Variants in PAMR1 observed in about 807,000 individuals in gnomAD.
The protein encoded by PAMR1 is peptidase domain containing associated with muscle regeneration 1.
Under a neutral mutation model 81.8 loss-of-function variants are expected in PAMR1, and 88 were observed. The observed-to-expected ratio is 1.08, with a 90% CI of 0.91 to 1.28. PAMR1 has a LOEUF of 1.28. PAMR1 is among the 50% of genes most tolerant of loss of function. PAMR1 has a pLI of 0.00. For synonymous variants in PAMR1, 336 were observed against 345.3 expected (o/e 0.97, Z 0.30); for missense variants, 935 against 919.7 (o/e 1.02, Z -0.21).
chr11:35,445,651 T>C (rs1467929065), intron 6 of PAMR1, among the ~76,000 whole-genome samples: 1 of 152,236 alleles, frequency 6.6e-6, no homozygotes, highest in Non-Finnish European at 1.5e-5. Context: ...TTTGCAGATG[T>C]TGAACCAGCC....
chr11:35,447,936 G>C (rs1017815473), intron 6 of PAMR1, among the ~76,000 whole-genome samples: 1 of 152,168 alleles, frequency 6.6e-6, no homozygotes, highest in East Asian at 1.9e-4. Context: ...TTCTGGGTTG[G>C]AAATTCTTTT....
chr11:35,502,664 T>C (rs1565355823), intron 1 of PAMR1, among the ~76,000 whole-genome samples: 1 of 152,214 alleles, frequency 6.6e-6, no homozygotes, highest in South Asian at 2.1e-4. Context: ...CTCTCATTGA[T>C]GGTTTTGCCC....
At chr11:35,439,894 C>T (rs947323200) in intron 7 of PAMR1, among the ~76,000 whole-genome samples, 1 of 152,134 alleles carries the variant, frequency 6.6e-6, no homozygotes, top group African/African-American at 2.4e-5. Flanking sequence ...TGACAGCACC[C>T]TCTGAAGAAT....
upstream of PAMR1, among the ~76,000 whole-genome samples, chr11:35,529,414 G>T (rs1851433750): frequency 6.6e-6 from 1 of 152,166 alleles, no homozygotes; most frequent in Non-Finnish European, 1.5e-5. Context: ...CTGCACAGTG[G>T]ACATTTGGAG....
At chr11:35,507,437 T>A (rs2135414907) in intron 1 of PAMR1, among the ~76,000 whole-genome samples, 1 of 152,326 alleles carries the variant, frequency 6.6e-6, no homozygotes, top group East Asian at 1.9e-4. Flanking sequence ...TCAGCAGATG[T>A]ATTTCTCAGT....
At chr11:35,457,037 A>G (rs1003073413) in intron 6 of PAMR1, among the ~76,000 whole-genome samples, 1 of 152,208 alleles carries the variant, frequency 6.6e-6, no homozygotes, top group Non-Finnish European at 1.5e-5. Context: ...GTTTAGAGAA[A>G]CAACTAGATG....
At chr11:35,501,644 A>G (rs672057) in intron 1 of PAMR1, among the ~76,000 whole-genome samples, 151,239 of 152,238 alleles carry the variant, frequency 0.99, 75,127 homozygotes, top group East Asian at 1. Flanking sequence ...CCTACACAGG[A>G]TCAGGATCAC....
intron 1 of PAMR1, among the ~76,000 whole-genome samples, chr11:35,500,041 C>G (rs1309015501): frequency 1.3e-5 from 2 of 152,194 alleles, no homozygotes; most frequent in Non-Finnish European, 2.9e-5. Context: ...AGGCAGGCAA[C>G]CTCTAGAAGT....
intron 6 of PAMR1, among the ~76,000 whole-genome samples, chr11:35,444,124 A>G (rs1047224928): frequency 4.6e-5 from 7 of 152,216 alleles, no homozygotes; most frequent in Admixed American, 2.6e-4. Context: ...CCAAAACAGC[A>G]TGGTACTGGT....
intron 1 of PAMR1, among the ~76,000 whole-genome samples, chr11:35,524,304 AG>A (rs1216007510): frequency 6.6e-6 from 1 of 152,228 alleles, no homozygotes; most frequent in Non-Finnish European, 1.5e-5. Context: ...TCATTAAGGA[AG>A]ATCCTACCTG....
At chr11:35,496,868 C>T (rs1850734718) in intron 1 of PAMR1, among the ~76,000 whole-genome samples, 1 of 152,120 alleles carries the variant, frequency 6.6e-6, no homozygotes, top group Non-Finnish European at 1.5e-5. Context: ...AATGGATAAA[C>T]AAAATGAGGT....
In PAMR1 at chr11:35,434,797, C is replaced by T. The variant is rs1434217246; in HGVS notation, c.1341G>A (p.Gly447=). Reference sequence around the variant, plus strand: ...TTGGAGCAGTGATGTTCTCAATTTTCCCGCAGACTATGGAGAAAGTACCAG... The same window carrying T: ...TTGGAGCAGTGATGTTCTCAATTTTTCCGCAGACTATGGAGAAAGTACCAG... ...GRAPSCIPIC[G]KIENITAPKT... The change falls in exon 10 of 11, where the codon GGG becomes GGA. Residue 447 remains glycine, a synonymous_variant. Transcript: ENST00000619888. The T allele has an allele frequency of 8.7e-6, 14 of 1,612,076 alleles. No homozygotes were observed. Among genetic ancestry groups the T allele is most frequent in the Non-Finnish European group, 1.2e-5 (14 of 1,178,434 alleles).
intron 6 of PAMR1, among the ~76,000 whole-genome samples, chr11:35,445,633 T>A (rs145229181): frequency 2.0e-5 from 3 of 152,210 alleles, no homozygotes; most frequent in African/African-American, 7.2e-5. Context: ...ATGAATTATG[T>A]TTATTGATTT....
rs1361731285 is a variant in PAMR1, at chr11:35,436,257, C to T, written c.1101-122G>A. On this transcript the variant is annotated intron_variant, in intron 8 of 10. Transcript: ENST00000619888. Reference sequence around the variant, plus strand: ...TTACAGAAACAGAAAAAATCTCTGTCTCTGTCTCTCTCTATCTCTCTCTCT... The same window carrying T: ...TTACAGAAACAGAAAAAATCTCTGTTTCTGTCTCTCTCTATCTCTCTCTCT... 9 of 651,738 alleles carry T rather than the reference C, an allele frequency of 1.4e-5. No homozygotes were observed. In the Admixed American group the frequency reaches 2.3e-4, roughly 17 times the overall value. 40.4% of individuals were successfully genotyped at this position (651,738 alleles called of 1,614,324 possible).
intron 6 of PAMR1, among the ~76,000 whole-genome samples, chr11:35,465,233 T>G (rs1235592355): frequency 6.6e-6 from 1 of 152,214 alleles, no homozygotes; most frequent in African/African-American, 2.4e-5. Context: ...TGTGAAATGA[T>G]TTGCCCTCAT....
intron 3 of PAMR1, among the ~76,000 whole-genome samples, chr11:35,489,959 C>T (rs1349193131): frequency 1.3e-5 from 2 of 152,220 alleles, no homozygotes. Context: ...TCTGTTCCCA[C>T]ACTGCTAAGA....
intron 6 of PAMR1, among the ~76,000 whole-genome samples, chr11:35,464,797 AT>A (rs548124678): frequency 6.6e-6 from 1 of 152,144 alleles, no homozygotes; most frequent in African/African-American, 2.4e-5. Context: ...GTACTGTTTG[AT>A]TTTTTTGACA....
intron 6 of PAMR1, among the ~76,000 whole-genome samples, chr11:35,444,102 A>C (rs528385177): frequency 5.3e-5 from 8 of 152,350 alleles, no homozygotes; most frequent in Non-Finnish European, 8.8e-5. Flanking sequence ...TTATACTATG[A>C]GGTTATAGTA....
At chr11:35,520,997 C>T (rs1851261624) in intron 1 of PAMR1, among the ~76,000 whole-genome samples, 1 of 152,164 alleles carries the variant, frequency 6.6e-6, no homozygotes, top group Non-Finnish European at 1.5e-5. Flanking sequence ...TTCTAAAGCC[C>T]TCCCCAAGAC....
Sources: gnomAD v4.1 joint callset for allele counts (sites outside exome capture counted in the v4.1 genomes callset) on GRCh38, gnomAD v4.1.1 for gene constraint, MANE v1.5 for transcripts, NCBI Gene and HGNC (gene_info 2026-07-23, HGNC 2026-07-21) for gene names.